The following SENP1 variants were observed in gnomAD, a reference collection of about 807,000 sequenced individuals.
The protein encoded by SENP1 is sentrin-specific protease 1.
In SENP1, 21 loss-of-function variants were observed where a neutral mutation model predicts 93.0. The ratio of observed to expected loss-of-function variants is 0.23; its 90% CI spans 0.16 to 0.33. The LOEUF (loss-of-function observed/expected upper bound fraction) is 0.33, where lower values mean the gene tolerates loss of function less well. Among genes scored for constraint, SENP1 ranks in the 10% least tolerant of loss-of-function variants. The pLI is 1.00. For synonymous variants in SENP1, 256 were observed against 259.6 expected, an observed-to-expected ratio of 0.99 and a Z score of 0.13; for missense variants, 591 against 758.7, an observed-to-expected ratio of 0.78 and a Z score of 2.60.
At chr12:48,105,123 C>A in intron 1 of SENP1, 1 of 219,804 alleles carries the variant, frequency 4.5e-6, no homozygotes, top group Admixed American at 5.0e-5. Flanking sequence ...TAACAAAGAC[C>A]CTCAGTCAAA....
Position 48,085,209 on chromosome 12 carries a change from G to A in SENP1, c.381-1447C>T, listed in dbSNP as rs1462323139. 4.6e-6 allele frequency: 7 copies of A among 1,510,878 alleles called. No homozygotes were observed. The African/African-American group carries it at 6.9e-5, about 15-fold the overall frequency. 93.6% of individuals were successfully genotyped at this position (1,510,878 alleles called of 1,614,324 possible). A position where few individuals can be genotyped will look rare whatever the true frequency, so the allele number is the denominator to read the frequency against. On this transcript the variant is annotated intron_variant, in intron 5 of 17. Transcript: ENST00000549518. ...GGATACGACCATCAATGAGATCGAA[G>A]ACACTTTCCGGCAATTTCTAAACCG... is the stretch of plus-strand genomic sequence containing the variant.
At chr12:48,102,431 C>CAAAAAAAAAAAA (rs57161608) in intron 1 of SENP1, among the ~76,000 whole-genome samples, 1 of 47,452 alleles carries the variant, frequency 2.1e-5, no homozygotes, top group African/African-American at 8.1e-5. Context: ...GACTCTGTCT[C>CAAAAAAAAAAAA]AAAAAAAAAA....
chr12:48,048,753 T>C (rs1296521430), intron 14 of SENP1, among the ~76,000 whole-genome samples, 176 bp downstream of exon 14: 1 of 152,198 alleles, frequency 6.6e-6, no homozygotes, highest in Non-Finnish European at 1.5e-5. Context: ...TTCTTCAAAA[T>C]CTACATCCCA....
intron 4 of SENP1, chr12:48,089,389 A>C (rs1945084670): frequency 8.4e-7 from 1 of 1,194,160 alleles, no homozygotes; most frequent in Non-Finnish European, 1.1e-6. Flanking sequence ...CTAAGCAGCT[A>C]GTGTCACTTT....
chr12:48,088,089 T>C (rs1945002172), intron 5 of SENP1, among the ~76,000 whole-genome samples: 1 of 151,666 alleles, frequency 6.6e-6, no homozygotes, highest in Non-Finnish European at 1.5e-5. Flanking sequence ...GGTCACTCTG[T>C]CACCCAGGCT....
intron 3 of SENP1, chr12:48,097,756 G>A (rs559538476): frequency 2.9e-5 from 10 of 339,224 alleles, no homozygotes; most frequent in African/African-American, 2.1e-4. Flanking sequence ...AAATTCAGAG[G>A]AACAATGAGT....
In SENP1 at chr12:48,055,879, ATAT is replaced by A. The variant is rs959912110; in HGVS notation, c.1408-6750_1408-6748del. ...AAGGTATAATATATTAATATATTAC[ATAT>A]TATGCAATATATAAAAATATTAATA... is the stretch of plus-strand genomic sequence containing the variant. On this transcript the variant is annotated intron_variant, in intron 13 of 17. Transcript: ENST00000549518. 2.1e-3 allele frequency among the ~76,000 whole-genome samples: 304 copies of A among 141,558 alleles called. 1 individual carries two copies. Among genetic ancestry groups the A allele is most frequent in the Non-Finnish European group, 3.8e-3 (249 of 66,150 alleles). The allele number at this position is 141,558 out of a possible 152,430, so 92.9% of individuals were successfully genotyped here. A position where few individuals can be genotyped will look rare whatever the true frequency, so the allele number is the denominator to read the frequency against.
At chr12:48,057,385 A>G (rs1942620599) in intron 13 of SENP1, among the ~76,000 whole-genome samples, 1 of 147,192 alleles carries the variant, frequency 6.8e-6, no homozygotes, top group Non-Finnish European at 1.5e-5. Flanking sequence ...GCCTGCCACC[A>G]CACCTGGCTA....
Position 48,043,028 on chromosome 12 carries a change from G to A in SENP1, c.*2294C>T, listed in dbSNP as rs984551763. On this transcript the variant is annotated 3_prime_UTR_variant, in exon 18 of 18. Coordinates refer to ENST00000549518, the MANE Select transcript of SENP1 (RefSeq NM_001267594.2). ...CATCAAAGCCTACCCCTAAACAAAG[G>A]GGAAAGTTTCCAGATACTACTCCTG... is the stretch of plus-strand genomic sequence containing the variant. 1.3e-5 allele frequency: 2 copies of A among 152,100 alleles called. No homozygotes were observed. The highest frequency in any genetic ancestry group is 4.8e-5 in the African/African-American group (2 of 41,354). 9.4% of individuals were successfully genotyped at this position (152,100 alleles called of 1,614,324 possible). A position where few individuals can be genotyped will look rare whatever the true frequency, so the allele number is the denominator to read the frequency against.
chr12:48,049,747 T>C (rs1404043904), intron 13 of SENP1, among the ~76,000 whole-genome samples: 1 of 152,240 alleles, frequency 6.6e-6, no homozygotes. Context: ...CCATTAATTA[T>C]ACTGGAAAAA....
Position 48,071,727 on chromosome 12 carries a change from GA to G in SENP1, c.941-7del, listed in dbSNP as rs1248688287. Reference sequence around the variant, plus strand: ...TAAAATCACAGAGTCTGATCCTAAAGAAACACAAGAGCATTTCATTAGTAAT... The same window carrying G: ...TAAAATCACAGAGTCTGATCCTAAAGAACACAAGAGCATTTCATTAGTAAT... On this transcript the variant is annotated splice_polypyrimidine_tract_variant and splice_region_variant and intron_variant, in intron 8 of 17. Transcript: ENST00000549518. The G allele has an allele frequency of 1.9e-6, 3 of 1,592,886 alleles. No individual in the cohort carries two copies. Among genetic ancestry groups the G allele is most frequent in the Non-Finnish European group, 2.6e-6 (3 of 1,162,456 alleles).
chr12:48,046,272 A>G, intron 17 of SENP1, 84 bp downstream of exon 17: 1 of 904,692 alleles, frequency 1.1e-6, no homozygotes. Flanking sequence ...AGGCCCCTAA[A>G]GAGAACAACT....
At chr12:48,078,373 A>G (rs1368467333) in intron 6 of SENP1, among the ~76,000 whole-genome samples, 1 of 100,850 alleles carries the variant, frequency 9.9e-6, no homozygotes, top group Non-Finnish European at 2.4e-5. Flanking sequence ...ACATACACAT[A>G]TATACTTATA....
chr12:48,090,603 T>C (rs1433530756), intron 4 of SENP1, among the ~76,000 whole-genome samples: 1 of 152,118 alleles, frequency 6.6e-6, no homozygotes, highest in Non-Finnish European at 1.5e-5. Context: ...CTGTTTTTGT[T>C]TGTTTGTTTT....
At position 48,103,989 on chromosome 12, in the gene SENP1, G is replaced by A. The variant is rs138011832; in HGVS notation, c.-45+2039C>T. On this transcript the variant is annotated intron_variant, in intron 1 of 17. Transcript: ENST00000549518. ...GAACTTTGGGAGGCCGAGGTGGGCA[G>A]ATCACGAGGTCAGCAGTTCAAGACC... 7.0e-3 allele frequency among the ~76,000 whole-genome samples: 1,062 copies of A among 152,210 alleles called. 38 individuals carry two copies. In the East Asian group the frequency reaches 0.088, roughly 13 times the overall value.
chr12:48,072,589 G>C (rs1363391654), intron 8 of SENP1, among the ~76,000 whole-genome samples: 1 of 152,110 alleles, frequency 6.6e-6, no homozygotes, highest in Non-Finnish European at 1.5e-5. Context: ...CTGTACTCCA[G>C]CCTGAGCAAC....
rs180935116 is a variant in SENP1 at position 48,079,265 on chromosome 12, C to A, written c.552+4326G>T. On this transcript the variant is annotated intron_variant, in intron 6 of 17. Transcript: ENST00000549518. The stretch of plus-strand genomic sequence containing the variant: ...CTGTAATACCAGCACTTTGGGAGGC[C>A]GAGGCAGGTGGATCATGAAGTCAGT... Among the ~76,000 whole-genome samples the A allele has an allele frequency of 2.0e-5, 3 of 152,072 alleles. No individual in the cohort carries two copies. The East Asian group carries it at 5.8e-4, about 29-fold the overall frequency.
At position 48,096,322 on chromosome 12, in the gene SENP1, AC is replaced by A. The variant is rs1460702008; in HGVS notation, c.220+20del. ...AATCCAAAAGGTATAAAGTCCCTTG[AC>A]TCCAAGTAATGTGTCATACCTGAGT... On this transcript the variant is annotated intron_variant, in intron 4 of 17. Transcript: ENST00000549518. 7.0e-7 allele frequency: 1 copy of A among 1,436,104 alleles called. No homozygotes were observed. The highest frequency in any genetic ancestry group is 1.4e-5 in the African/African-American group (1 of 71,140). 89.0% of individuals were successfully genotyped at this position (1,436,104 alleles called of 1,614,324 possible).
At chr12:48,093,982 T>C (rs981777277) in intron 4 of SENP1, among the ~76,000 whole-genome samples, 12 of 151,870 alleles carry the variant, frequency 7.9e-5, no homozygotes, top group East Asian at 3.9e-4. Context: ...AAAATAAAAA[T>C]ACTGAGTTAA....
Sources: allele counts gnomAD v4.1 joint callset (sites outside exome capture counted in the v4.1 genomes callset), GRCh38; gene constraint gnomAD v4.1.1; transcripts MANE v1.5; gene names NCBI Gene and HGNC (gene_info 2026-07-23, HGNC 2026-07-21).